Variants in MED12L observed in about 807,000 individuals in gnomAD.
MED12L encodes mediator complex subunit 12L, also known as mediator of RNA polymerase II transcription subunit 12-like protein.
Under a neutral mutation model 281.3 loss-of-function variants are expected in MED12L, and 60 were observed. That is an observed-to-expected ratio of 0.21 (90% CI 0.17 to 0.26). MED12L has a LOEUF of 0.26. Ranked by LOEUF, MED12L falls within the 10% of genes least tolerant of loss-of-function variation. MED12L has a pLI of 1.00. For synonymous variants in MED12L, 974 were observed against 987.2 expected, an observed-to-expected ratio of 0.99 and a Z score of 0.25; for missense variants, 2,146 against 2,680.9, an observed-to-expected ratio of 0.80 and a Z score of 4.41.
intron 16 of MED12L, among the ~76,000 whole-genome samples, chr3:151,241,478 A>C (rs1453980475): frequency 6.6e-6 from 1 of 152,164 alleles, no homozygotes; most frequent in African/African-American, 2.4e-5. Flanking sequence ...AGAAACACTA[A>C]AGGCAGTGAA....
At chr3:151,189,564 T>C (rs1267143542) in intron 13 of MED12L, among the ~76,000 whole-genome samples, 1 of 152,252 alleles carries the variant, frequency 6.6e-6, no homozygotes, top group African/African-American at 2.4e-5. Flanking sequence ...GTGTCTTTGC[T>C]AGTTCATCTC....
chr3:151,317,992 C>T (rs921049041), intron 16 of MED12L, among the ~76,000 whole-genome samples: 4 of 152,080 alleles, frequency 2.6e-5, no homozygotes, highest in Admixed American at 6.5e-5. Flanking sequence ...ATAATGTGTA[C>T]GTACTAGTTG....
intron 16 of MED12L, among the ~76,000 whole-genome samples, chr3:151,308,774 T>A (rs1005904123): frequency 2.6e-5 from 4 of 152,184 alleles, no homozygotes; most frequent in Non-Finnish European, 5.9e-5. Flanking sequence ...GGCTGTGGGA[T>A]ATGGTGCAAG....
intron 40 of MED12L, among the ~76,000 whole-genome samples, chr3:151,409,801 A>T (rs1324969959): frequency 1.3e-5 from 2 of 152,100 alleles, no homozygotes; most frequent in Non-Finnish European, 2.9e-5. Flanking sequence ...TACAAAAGAA[A>T]ATAAAAATTA....
Position 151,224,202 on chromosome 3 carries a change from T to A in MED12L, c.2250+30536T>A, listed in dbSNP as rs116320041. 6.2e-3 allele frequency among the ~76,000 whole-genome samples: 939 copies of A among 152,352 alleles called. 4 individuals carry two copies. Among genetic ancestry groups the A allele is most frequent in the Middle Eastern group, 0.017 (5 of 294 alleles). ...CACTTATGACGTGCATTTTTCTTCC[T>A]CTTCTTTTTTCAGTTCTTATAAAGG... On this transcript the variant is annotated intron_variant, in intron 16 of 44. Transcript: ENST00000687756.
chr3:151,328,817 A>G, intron 16 of MED12L: 2 of 1,613,986 alleles, frequency 1.2e-6, no homozygotes, highest in Non-Finnish European at 1.7e-6. Flanking sequence ...TTTGAGGTAG[A>G]TGATGAAGGT....
intron 16 of MED12L, among the ~76,000 whole-genome samples, chr3:151,260,517 T>C (rs1273237174): frequency 6.6e-6 from 1 of 152,070 alleles, no homozygotes. Flanking sequence ...GTCCAGCTAA[T>C]TTTTATATTT....
At chr3:151,260,384 C>A (rs1397028470) in intron 16 of MED12L, among the ~76,000 whole-genome samples, 3 of 152,086 alleles carry the variant, frequency 2.0e-5, no homozygotes, top group Non-Finnish European at 4.4e-5. Context: ...GGGTCTTGCT[C>A]TGTTGTCCAG....
intron 16 of MED12L, chr3:151,328,995 C>G (rs764745405): frequency 6.3e-7 from 1 of 1,592,706 alleles, no homozygotes; most frequent in Non-Finnish European, 8.6e-7. Context: ...GTGTTCATTG[C>G]TTCCAGTGTC....
At chr3:151,138,850 A>T (rs1346564547) in intron 5 of MED12L, among the ~76,000 whole-genome samples, 1 of 151,938 alleles carries the variant, frequency 6.6e-6, no homozygotes. Flanking sequence ...ATCCCTTTCC[A>T]CACTTTACTC....
At chr3:151,416,511 G>A (rs998504939) in intron 43 of MED12L, 89 bp downstream of exon 43, 52 of 1,422,158 alleles carry the variant, frequency 3.7e-5, no homozygotes, top group East Asian at 1.1e-4. Context: ...GTTAAGAATC[G>A]ACAAAGCCTA....
At chr3:151,327,994 G>A in intron 16 of MED12L, 1 of 1,556,688 alleles carries the variant, frequency 6.4e-7, no homozygotes, top group Non-Finnish European at 8.6e-7. Context: ...ACAGTTGTCA[G>A]CCTAAGGTTA....
intron 2 of MED12L, among the ~76,000 whole-genome samples, chr3:151,100,899 A>G (rs560623280): frequency 1.3e-5 from 2 of 152,358 alleles, no homozygotes; most frequent in East Asian, 3.9e-4. Flanking sequence ...GAAGCCTCCT[A>G]TCTGTCTCCT....
chr3:151,141,459 G>C (rs1717017308), intron 5 of MED12L, among the ~76,000 whole-genome samples: 1 of 152,100 alleles, frequency 6.6e-6, no homozygotes, highest in Non-Finnish European at 1.5e-5. Flanking sequence ...AACCAAATGG[G>C]GGCTGTGCTG....
At chr3:151,139,629 A>G (rs992978936) in intron 5 of MED12L, among the ~76,000 whole-genome samples, 2 of 152,184 alleles carry the variant, frequency 1.3e-5, no homozygotes, top group African/African-American at 4.8e-5. Flanking sequence ...CGGGACAGGC[A>G]TAGGAGAAAT....
intron 16 of MED12L, among the ~76,000 whole-genome samples, chr3:151,274,480 G>A (rs1741521746): frequency 6.6e-6 from 1 of 152,136 alleles, no homozygotes; most frequent in Non-Finnish European, 1.5e-5. Flanking sequence ...AGAAACATAG[G>A]TAGGCAGTTT....
chr3:151,163,875 T>C lies in MED12L; in HGVS notation c.1108-18T>C, dbSNP rs544847797. 14 of 1,607,258 alleles carry C rather than the reference T, an allele frequency of 8.7e-6. No individual in the cohort carries two copies. The highest frequency in any genetic ancestry group is 4.4e-5 in the South Asian group (4 of 90,480). On this transcript the variant is annotated intron_variant, in intron 8 of 44. Coordinates refer to ENST00000687756, the MANE Select transcript of MED12L (RefSeq NM_001393769.1). Reference sequence around the variant, plus strand: ...TCTCCTTCCTCTGAACATCCAACTTTATCTGTTTCATTTCCAGACTGTCAC... The same window carrying C: ...TCTCCTTCCTCTGAACATCCAACTTCATCTGTTTCATTTCCAGACTGTCAC...
At chr3:151,121,637 A>C (rs1645204344) in intron 3 of MED12L, among the ~76,000 whole-genome samples, 1 of 152,214 alleles carries the variant, frequency 6.6e-6, no homozygotes, top group African/African-American at 2.4e-5. Flanking sequence ...GAACTCCCAG[A>C]GTCTGAAATG....
At chr3:151,153,113 A>G (rs1345482214) in intron 5 of MED12L, among the ~76,000 whole-genome samples, 2 of 152,202 alleles carry the variant, frequency 1.3e-5, no homozygotes, top group East Asian at 3.8e-4. Context: ...TCAGTGTACT[A>G]CTGTTTTAGC....
Sources: allele counts gnomAD v4.1 joint callset (sites outside exome capture counted in the v4.1 genomes callset), GRCh38; gene constraint gnomAD v4.1.1; transcripts MANE v1.5; gene names NCBI Gene and HGNC (gene_info 2026-07-23, HGNC 2026-07-21).